Variants in HDAC9 observed in about 807,000 individuals in gnomAD.
HDAC9 encodes the protein MEF-2 interacting transcription repressor (MITR) protein.
Under a neutral mutation model 139.4 loss-of-function variants are expected in HDAC9, and 41 were observed. The observed-to-expected ratio is 0.29, with a 90% CI of 0.23 to 0.38. The LOEUF (loss-of-function observed/expected upper bound fraction) is 0.38, where lower values mean the gene tolerates loss of function less well. Among genes scored for constraint, HDAC9 ranks in the 10% least tolerant of loss-of-function variants. The pLI, the probability that HDAC9 is intolerant of heterozygous loss-of-function variation, is 1.00. For missense variants in HDAC9, 1,147 were observed against 1,297.0 expected, an observed-to-expected ratio of 0.88 and a Z score of 1.78; for synonymous variants, 517 against 476.2, an observed-to-expected ratio of 1.09 and a Z score of -1.12.
chr7:18,090,160 G>A (rs573367280), intron 1 of HDAC9, among the ~76,000 whole-genome samples: 1 of 152,266 alleles, frequency 6.6e-6, no homozygotes, highest in East Asian at 1.9e-4. Context: ...GAGGCGGCAG[G>A]TACACTGATA....
chr7:18,479,102 A>C (rs1218626536), intron 1 of HDAC9, among the ~76,000 whole-genome samples: 1 of 152,134 alleles, frequency 6.6e-6, no homozygotes, highest in Non-Finnish European at 1.5e-5. Context: ...GTGTCTTTGC[A>C]CAAAATTATA....
At chr7:18,739,732 C>G (rs896014120) in intron 13 of HDAC9, among the ~76,000 whole-genome samples, 4 of 152,258 alleles carry the variant, frequency 2.6e-5, no homozygotes, top group Admixed American at 2.0e-4. Context: ...CAGGGACCCA[C>G]TCGAGGAGGC....
At chr7:18,312,300 A>G (rs1204631045) in intron 1 of HDAC9, among the ~76,000 whole-genome samples, 3 of 152,164 alleles carry the variant, frequency 2.0e-5, no homozygotes, top group African/African-American at 7.2e-5. Context: ...TTTCCTAGAA[A>G]CAATCACTGT....
At chr7:18,233,973 C>T (rs567693875) in intron 2 of HDAC9, among the ~76,000 whole-genome samples, 1 of 152,038 alleles carries the variant, frequency 6.6e-6, no homozygotes, top group African/African-American at 2.4e-5. Context: ...GCATCAATTA[C>T]ATTCATAGTT....
chr7:18,509,730 T>C (rs889854126), intron 2 of HDAC9, among the ~76,000 whole-genome samples: 1 of 152,142 alleles, frequency 6.6e-6, no homozygotes, highest in African/African-American at 2.4e-5. Context: ...ATATTAATAC[T>C]TCCCTAATTA....
intron 22 of HDAC9, among the ~76,000 whole-genome samples, chr7:18,889,535 A>G (rs538647938): frequency 6.6e-6 from 1 of 152,282 alleles, no homozygotes; most frequent in South Asian, 2.1e-4. Context: ...TTTATTCAAG[A>G]TATTTTCATA....
At chr7:18,401,569 C>T (rs570332517) in intron 1 of HDAC9, among the ~76,000 whole-genome samples, 12 of 152,260 alleles carry the variant, frequency 7.9e-5, no homozygotes, top group African/African-American at 2.6e-4. Context: ...TGGAGAATAA[C>T]CTCAATGCCT....
Position 18,099,007 on chromosome 7 carries a change from G to T in HDAC9, c.-97+11794G>T, listed in dbSNP as rs532497155. ...GATACATTATGTTCATTCTTGACAG[G>T]TTGGGGAAATGAGGAAGGGAACTTT... On this transcript the variant is annotated intron_variant, in intron 1 of 12. Transcript: ENST00000417496. 3.3e-5 allele frequency among the ~76,000 whole-genome samples: 5 copies of T among 152,256 alleles called. No individual in the cohort carries two copies. In the East Asian group the frequency reaches 9.6e-4, roughly 29 times the overall value.
chr7:18,882,010 A>G (rs961726470), intron 22 of HDAC9, among the ~76,000 whole-genome samples: 2 of 152,116 alleles, frequency 1.3e-5, no homozygotes, highest in African/African-American at 4.8e-5. Context: ...TTATCCAGCT[A>G]CCATCAGATT....
intron 17 of HDAC9, among the ~76,000 whole-genome samples, chr7:18,818,696 C>A (rs749031878): frequency 6.6e-6 from 1 of 152,132 alleles, no homozygotes; most frequent in Non-Finnish European, 1.5e-5. Flanking sequence ...TATTTATTGG[C>A]TGATTCTGGT....
chr7:18,868,637 T>C (rs929811576), intron 21 of HDAC9, among the ~76,000 whole-genome samples: 3 of 152,178 alleles, frequency 2.0e-5, no homozygotes, highest in African/African-American at 7.2e-5. Flanking sequence ...GCTACAGTTT[T>C]TTTTCTTAGT....
At chr7:18,519,110 T>C (rs1291100310) in intron 2 of HDAC9, among the ~76,000 whole-genome samples, 1 of 152,164 alleles carries the variant, frequency 6.6e-6, no homozygotes, top group Non-Finnish European at 1.5e-5. Context: ...CATAGATCAA[T>C]ATGAAAATGA....
intron 24 of HDAC9, among the ~76,000 whole-genome samples, chr7:18,958,590 T>A (rs1783319182): frequency 6.6e-6 from 1 of 152,160 alleles, no homozygotes; most frequent in South Asian, 2.1e-4. Flanking sequence ...TGATGGCAGA[T>A]ATTATTTCTG....
At chr7:18,180,261 A>ACC (rs1554322947) in intron 2 of HDAC9, among the ~76,000 whole-genome samples, 3 of 142,608 alleles carry the variant, frequency 2.1e-5, no homozygotes, top group East Asian at 2.1e-4. Context: ...ACACACACAC[A>ACC]CACACACACA....
chr7:18,960,407 T>C (rs1047242615), intron 24 of HDAC9, among the ~76,000 whole-genome samples: 2 of 152,136 alleles, frequency 1.3e-5, no homozygotes, highest in African/African-American at 4.8e-5. Context: ...TTCTTTACTC[T>C]TATTCGTCCT....
intron 17 of HDAC9, among the ~76,000 whole-genome samples, chr7:18,803,963 A>T (rs1167917107): frequency 6.6e-6 from 1 of 152,236 alleles, no homozygotes; most frequent in Non-Finnish European, 1.5e-5. Context: ...TACTGAAAAT[A>T]CTGTGGTGAT....
chr7:18,433,834 G>C (rs926574962), intron 1 of HDAC9, among the ~76,000 whole-genome samples: 1 of 152,198 alleles, frequency 6.6e-6, no homozygotes, highest in Non-Finnish European at 1.5e-5. Flanking sequence ...TTGTTAAAAT[G>C]TCCATATGGC....
At chr7:18,338,731 A>C (rs1781771912) in intron 1 of HDAC9, among the ~76,000 whole-genome samples, 1 of 151,450 alleles carries the variant, frequency 6.6e-6, no homozygotes. Context: ...CTTTTCTTGT[A>C]ATGTGTCCCT....
chr7:18,497,805 C>G (rs1013229012), intron 2 of HDAC9, among the ~76,000 whole-genome samples: 1 of 152,116 alleles, frequency 6.6e-6, no homozygotes, highest in African/African-American at 2.4e-5. Flanking sequence ...TTCTGTGTTA[C>G]AAGTTTGATA....
Sources: allele counts gnomAD v4.1 joint callset (sites outside exome capture counted in the v4.1 genomes callset), GRCh38; gene constraint gnomAD v4.1.1; transcripts MANE v1.5; gene names NCBI Gene and HGNC (gene_info 2026-07-23, HGNC 2026-07-21).